Variants in ZNF331 observed in about 807,000 individuals in gnomAD.
ZNF331 encodes C2H2-like zinc finger protein rearranged in thyroid adenomas.
ZNF331 carries 2 observed loss-of-function variants against 7.0 expected under a neutral mutation model. The observed-to-expected ratio is 0.29, with a 90% CI of 0.12 to 0.90. The LOEUF (loss-of-function observed/expected upper bound fraction) is 0.90, where lower values mean the gene tolerates loss of function less well. Among genes scored for constraint, ZNF331 ranks in the 40% least tolerant of loss-of-function variants. The pLI, the probability that ZNF331 is intolerant of heterozygous loss-of-function variation, is 0.58. For synonymous variants in ZNF331, 196 were observed against 205.4 expected, an observed-to-expected ratio of 0.95 and a Z score of 0.39; for missense variants, 432 against 587.7, an observed-to-expected ratio of 0.74 and a Z score of 2.74.
At position 53,577,335 on chromosome 19, in the gene ZNF331, A is replaced by T; in HGVS notation, c.775A>T (p.Ile259Phe). The change falls in exon 6 of 6, where the codon ATT becomes TTT. Residue 259 changes from isoleucine to phenylalanine, a missense_variant. By Grantham distance (21) the Ile-to-Phe change is conservative (BLOSUM62 0). Around this residue, in one of 3 missense-constraint regions of ZNF331, gnomAD observed 312 missense variants for 448.6 expected, o/e 0.70. Transcript: ENST00000449416. ...GACCTTTAGCCGTGTGTATAAACTT[A>T]TTCAGCACAAGAGAATTCATAGTGG... The part of the protein sequence containing the change: ...GKTFSRVYKL[I>F]QHKRIHSGEK... 1 of 1,613,750 alleles carries T rather than the reference A, an allele frequency of 6.2e-7. No homozygotes were observed.
intron 2 of ZNF331, among the ~76,000 whole-genome samples, chr19:53,541,174 C>G: frequency 6.8e-6 from 1 of 147,670 alleles, no homozygotes; most frequent in Non-Finnish European, 1.5e-5. Context: ...ATGGCGTGAT[C>G]TCAGCTCGCC....
intron 2 of ZNF331, among the ~76,000 whole-genome samples, chr19:53,540,785 C>T (rs936960588): frequency 1.9e-4 from 28 of 148,996 alleles, no homozygotes; most frequent in African/African-American, 6.9e-4. Context: ...AGACACTGCC[C>T]CACATGCCTT....
At position 53,576,813 on chromosome 19, in the gene ZNF331, T is replaced by G; in HGVS notation, c.253T>G (p.Cys85Gly). 1 of 1,614,080 alleles carries G rather than the reference T, an allele frequency of 6.2e-7. No individual in the cohort carries two copies. Among genetic ancestry groups the G allele is most frequent in the Non-Finnish European group, 8.5e-7 (1 of 1,180,034 alleles). Residue 85 changes from cysteine to glycine, a missense_variant, in exon 6 of 6, where the codon TGT becomes GGT. Cys to Gly is a radical substitution (Grantham distance 159). Around this residue, in one of 3 missense-constraint regions of ZNF331, gnomAD observed 81 missense variants for 70.3 expected, o/e 1.15. Coordinates refer to ENST00000449416, the MANE Select transcript of ZNF331 (RefSeq NM_001079906.2). ...RSKSLGRNWICEGTLERPQRS... is the reference protein window; with the variant it reads ...RSKSLGRNWIGEGTLERPQRS... ...TAAATCCCTTGGCCGTAACTGGATA[T>G]GTGAAGGTACGCTTGAAAGACCACA...
At chr19:53,553,781 C>T (rs1206611583) in intron 2 of ZNF331, among the ~76,000 whole-genome samples, 1 of 152,212 alleles carries the variant, frequency 6.6e-6, no homozygotes, top group Non-Finnish European at 1.5e-5. Flanking sequence ...CCAGGTGATG[C>T]TCCAGAGGGG....
At chr19:53,548,916 C>T (rs998393131) in intron 2 of ZNF331, among the ~76,000 whole-genome samples, 9 of 151,458 alleles carry the variant, frequency 5.9e-5, no homozygotes, top group Non-Finnish European at 1.2e-4. Context: ...GGCACGATCT[C>T]GGCTCACTGC....
chr19:53,580,153 A>T lies in ZNF331; in HGVS notation c.*2201A>T, dbSNP rs571931545. The T allele has an allele frequency of 4.9e-6, 1 of 204,290 alleles. No individual in the cohort carries two copies. Among genetic ancestry groups the T allele is most frequent in the East Asian group, 7.5e-5 (1 of 13,260 alleles). The allele number at this position is 204,290 out of a possible 1,614,324, so 12.7% of individuals were successfully genotyped here. On this transcript the variant is annotated 3_prime_UTR_variant, in exon 6 of 6. Coordinates refer to ENST00000449416, the MANE Select transcript of ZNF331 (RefSeq NM_001079906.2). ...GAGCGAGGTGATGGATATGTTAATTAGCTTGATTTAATCCTTCCACATTGT... is the reference window on the plus strand; with the variant it reads ...GAGCGAGGTGATGGATATGTTAATTTGCTTGATTTAATCCTTCCACATTGT...
chr19:53,531,746 A>G (rs1190862132), intron 2 of ZNF331, among the ~76,000 whole-genome samples: 1 of 152,200 alleles, frequency 6.6e-6, no homozygotes, highest in Non-Finnish European at 1.5e-5. Context: ...TTTTCTTTGA[A>G]GCTGACAGCC....
intron 2 of ZNF331, among the ~76,000 whole-genome samples, chr19:53,553,981 G>A (rs974747407): frequency 1.9e-4 from 29 of 152,176 alleles, no homozygotes; most frequent in Admixed American, 1.8e-3. Context: ...GCCTGGGACC[G>A]GCCCAGACTA....
intron 2 of ZNF331, among the ~76,000 whole-genome samples, chr19:53,549,952 G>A (rs536363164): frequency 2.6e-5 from 4 of 152,208 alleles, no homozygotes; most frequent in South Asian, 2.1e-4. Context: ...TTACATTTAC[G>A]TTTGTCTCAA....
At chr19:53,548,425 T>C (rs2088769442) in intron 2 of ZNF331, among the ~76,000 whole-genome samples, 1 of 152,012 alleles carries the variant, frequency 6.6e-6, no homozygotes. Flanking sequence ...CCCGACTAAT[T>C]TTTCAATTTT....
chr19:53,533,396 A>G (rs187383774), upstream of ZNF331, among the ~76,000 whole-genome samples: 4 of 152,238 alleles, frequency 2.6e-5, no homozygotes, highest in Admixed American at 2.6e-4. Flanking sequence ...AAGACCTGTT[A>G]TTTGGCCTAA....
intron 2 of ZNF331, among the ~76,000 whole-genome samples, chr19:53,527,760 A>G (rs150228408): frequency 9.8e-5 from 15 of 152,356 alleles, no homozygotes; most frequent in African/African-American, 3.6e-4. Context: ...AGAGAGAGGC[A>G]GGCCAGTTAT....
chr19:53,559,419 T>G (rs560550259), intron 3 of ZNF331, among the ~76,000 whole-genome samples: 1 of 146,392 alleles, frequency 6.8e-6, no homozygotes, highest in Non-Finnish European at 1.5e-5. Context: ...CACATACACA[T>G]CGTACACACA....
upstream of ZNF331, among the ~76,000 whole-genome samples, chr19:53,516,806 G>T (rs1054455272): frequency 5.3e-5 from 8 of 152,134 alleles, no homozygotes; most frequent in African/African-American, 1.7e-4. Flanking sequence ...TAATTAAAGT[G>T]ACATCTTTTT....
chr19:53,522,237 T>A (rs1295462634), intron 1 of ZNF331, among the ~76,000 whole-genome samples: 1 of 149,608 alleles, frequency 6.7e-6, no homozygotes, highest in African/African-American at 2.5e-5. Flanking sequence ...GGGACAAGTG[T>A]GCCCTATTTT....
chr19:53,507,305 G>A, the ZNF331 span, among the ~76,000 whole-genome samples: 2 of 152,052 alleles, frequency 1.3e-5, no homozygotes, highest in Admixed American at 6.6e-5. Context: ...CTGAGCTCTC[G>A]TCATCACCAA....
chr19:53,503,914 A>G, the ZNF331 span: 1 of 658,468 alleles, frequency 1.5e-6, no homozygotes, highest in African/African-American at 1.9e-5. Flanking sequence ...AGGACACCAG[A>G]GAGTCGCTGA....
chr19:53,506,885 T>C, the ZNF331 span, among the ~76,000 whole-genome samples: 439 of 152,176 alleles, frequency 2.9e-3, 1 homozygote, highest in African/African-American at 0.01. Context: ...TTGCCACCCG[T>C]TGGGGGCGAG....
intron 5 of ZNF331, among the ~76,000 whole-genome samples, chr19:53,575,111 A>T (rs143342432): frequency 0.016 from 2,447 of 149,122 alleles, 52 homozygotes; most frequent in African/African-American, 0.057. Flanking sequence ...TAATTTTTGT[A>T]TTTTTTTTGT....
Sources: gnomAD v4.1 joint callset for allele counts (sites outside exome capture counted in the v4.1 genomes callset) on GRCh38, gnomAD v4.1.1 for gene constraint, gnomAD v4.1.1 regional missense constraint, MANE v1.5 for transcripts, NCBI Gene and HGNC (gene_info 2026-07-23, HGNC 2026-07-21) for gene names.